Variants in CEP112 observed in about 807,000 individuals in gnomAD.
The protein encoded by CEP112 is centrosomal protein of 112 kDa.
In CEP112, 127 loss-of-function variants were observed where a neutral mutation model predicts 153.0. The observed-to-expected ratio is 0.83, with a 90% CI of 0.72 to 0.96. The LOEUF is 0.96. CEP112 is among the 40% of genes least tolerant of loss of function. The pLI is 0.00. For synonymous variants in CEP112, 358 were observed against 374.4 expected, an observed-to-expected ratio of 0.96 and a Z score of 0.51; for missense variants, 1,089 against 1,101.2, an observed-to-expected ratio of 0.99 and a Z score of 0.16.
intron 21 of CEP112, among the ~76,000 whole-genome samples, chr17:65,811,952 T>C (rs1358463913): frequency 6.6e-6 from 1 of 152,148 alleles, no homozygotes; most frequent in African/African-American, 2.4e-5. Context: ...AATTAATACA[T>C]AATTTTCTGT....
chr17:66,137,296 G>C (rs1345739115), intron 4 of CEP112, among the ~76,000 whole-genome samples: 1 of 151,998 alleles, frequency 6.6e-6, no homozygotes, highest in South Asian at 2.1e-4. Context: ...CATTCCACAA[G>C]AGCAAAAATG....
At chr17:66,125,797 AAG>A (rs2069820154) in intron 6 of CEP112, among the ~76,000 whole-genome samples, 2 of 152,160 alleles carry the variant, frequency 1.3e-5, no homozygotes, top group Admixed American at 1.3e-4. Flanking sequence ...AAAATAAGAA[AAG>A]AGACTACAAA....
chr17:65,727,469 G>C (rs1401082590), intron 23 of CEP112, among the ~76,000 whole-genome samples: 4 of 152,158 alleles, frequency 2.6e-5, no homozygotes, highest in Middle Eastern at 3.2e-3. Context: ...GCTGAGAGGA[G>C]GCTGTTTTAA....
At chr17:66,022,482 G>A (rs1190806657) in intron 16 of CEP112, among the ~76,000 whole-genome samples, 1 of 152,056 alleles carries the variant, frequency 6.6e-6, no homozygotes, top group East Asian at 1.9e-4. Context: ...GCTGAGGTGG[G>A]CAGATCACAA....
chr17:65,764,773 G>A (rs28845012), intron 21 of CEP112, among the ~76,000 whole-genome samples: 65,805 of 145,590 alleles, frequency 0.45, 15,673 homozygotes, highest in East Asian at 0.79. Flanking sequence ...AATTATTGAC[G>A]TTTAAGGACT....
At chr17:65,644,330 T>C in intron 24 of CEP112, 1 of 569,112 alleles carries the variant, frequency 1.8e-6, no homozygotes, top group Non-Finnish European at 3.1e-6. Context: ...AGTGCCAAGA[T>C]GGTGAAGCCC....
At chr17:65,913,800 CAGCTGTGATTAGCA>C in intron 19 of CEP112, 2 of 985,446 alleles carry the variant, frequency 2.0e-6, no homozygotes, top group Non-Finnish European at 2.4e-6. Context: ...GCTGGAAACA[CAGCTGTGATTAGCA>C]AGCTGATAGA....
chr17:65,821,538 A>ATT lies in CEP112; in HGVS notation c.2394+30265_2394+30266insAA, dbSNP rs1278627439. The stretch of plus-strand genomic sequence containing the variant: ...ATTATATATATATATATATATATAT[A>ATT]TATTTTTTTTTTTTTTTTTTTTTTT... On this transcript the variant is annotated intron_variant, in intron 21 of 26. Coordinates refer to ENST00000535342, the MANE Select transcript of CEP112 (RefSeq NM_001199165.4). Among the ~76,000 whole-genome samples the ATT allele has an allele frequency of 1.0e-3, 41 of 39,136 alleles. 1 individual carries two copies. The highest frequency in any genetic ancestry group is 2.9e-3 in the African/African-American group (22 of 7,610). The allele number at this position is 39,136 out of a possible 152,430, so 25.7% of individuals were successfully genotyped here.
chr17:65,807,588 C>G (rs938943052), intron 21 of CEP112, among the ~76,000 whole-genome samples: 1 of 152,174 alleles, frequency 6.6e-6, no homozygotes, highest in Admixed American at 6.5e-5. Context: ...CTCTGTGCAG[C>G]CTGGGGACAT....
chr17:65,753,915 A>G (rs1368469734), intron 21 of CEP112, among the ~76,000 whole-genome samples: 2 of 152,176 alleles, frequency 1.3e-5, no homozygotes, highest in African/African-American at 4.8e-5. Context: ...GTTTATGGCC[A>G]GCCCCCAAAT....
At position 66,129,830 on chromosome 17, in the gene CEP112, T is replaced by C; in HGVS notation, c.565-7A>G. 6.4e-7 allele frequency: 1 copy of C among 1,562,694 alleles called. No homozygotes were observed. Among genetic ancestry groups the C allele is most frequent in the Non-Finnish European group, 8.7e-7 (1 of 1,145,180 alleles). ...ATTTTTTCGAATAAACTTCCTGAAATACAAAAGGGAAAAAGGAAGAGGAGA... is the reference window on the plus strand; with the variant it reads ...ATTTTTTCGAATAAACTTCCTGAAACACAAAAGGGAAAAAGGAAGAGGAGA... On this transcript the variant is annotated splice_region_variant and splice_polypyrimidine_tract_variant and intron_variant, in intron 5 of 26. Coordinates refer to ENST00000535342, the MANE Select transcript of CEP112 (RefSeq NM_001199165.4).
At chr17:66,168,533 A>G (rs140953431) in intron 4 of CEP112, among the ~76,000 whole-genome samples, 5,219 of 150,784 alleles carry the variant, frequency 0.035, 131 homozygotes, top group Middle Eastern at 0.063. Flanking sequence ...ATATGTATAT[A>G]TGTGTGTGTG....
chr17:66,051,085 T>C (rs1407721466), intron 12 of CEP112, among the ~76,000 whole-genome samples: 1 of 151,466 alleles, frequency 6.6e-6, no homozygotes, highest in East Asian at 1.9e-4. Context: ...GCTCAAGTAA[T>C]CCTCCTGCCT....
chr17:65,905,429 A>C (rs1464613809), intron 19 of CEP112, among the ~76,000 whole-genome samples: 1 of 152,200 alleles, frequency 6.6e-6, no homozygotes, highest in Non-Finnish European at 1.5e-5. Flanking sequence ...TAGAATGGTG[A>C]TCATAAAAAG....
chr17:66,146,557 T>C (rs1399606001), intron 4 of CEP112, among the ~76,000 whole-genome samples: 1 of 152,150 alleles, frequency 6.6e-6, no homozygotes, highest in Admixed American at 6.5e-5. Context: ...TTTTTAAGCA[T>C]ACGGTTCAGT....
intron 24 of CEP112, 126 bp from the exon 25 acceptor site, chr17:65,641,191 A>G: frequency 1.7e-6 from 1 of 582,518 alleles, no homozygotes; most frequent in Non-Finnish European, 3.0e-6. Flanking sequence ...GAAACCAGAC[A>G]ATAAAGATGA....
chr17:65,929,826 T>C (rs181788960), intron 18 of CEP112, among the ~76,000 whole-genome samples: 2 of 152,358 alleles, frequency 1.3e-5, no homozygotes, highest in East Asian at 3.9e-4. Flanking sequence ...CAACGTTTAG[T>C]TCCAAATTCT....
At chr17:65,668,011 T>G (rs1243501218) in intron 24 of CEP112, among the ~76,000 whole-genome samples, 5 of 151,956 alleles carry the variant, frequency 3.3e-5, no homozygotes. Flanking sequence ...ATTCTCCTGG[T>G]TCAGCCTCCC....
At chr17:65,864,871 T>C in intron 20 of CEP112, among the ~76,000 whole-genome samples, 1 of 151,908 alleles carries the variant, frequency 6.6e-6, no homozygotes, top group Non-Finnish European at 1.5e-5. Flanking sequence ...CTATAGCCAC[T>C]ATAGCCACTC....
Sources: allele counts gnomAD v4.1 joint callset (sites outside exome capture counted in the v4.1 genomes callset), GRCh38; gene constraint gnomAD v4.1.1; transcripts MANE v1.5; gene names NCBI Gene and HGNC (gene_info 2026-07-23, HGNC 2026-07-21).